MGAT4C: variants seen among roughly 807,000 people sequenced by gnomAD.
MGAT4C encodes MGAT4 family member C.
In MGAT4C, 19 loss-of-function variants were observed where a neutral mutation model predicts 40.1. That is an observed-to-expected ratio of 0.47 (90% CI 0.33 to 0.70). MGAT4C has a LOEUF of 0.70. MGAT4C is among the 30% of genes least tolerant of loss of function. MGAT4C has a pLI of 0.02. For synonymous variants in MGAT4C, 181 were observed against 187.1 expected (o/e 0.97, Z 0.27); for missense variants, 491 against 563.2 (o/e 0.87, Z 1.30).
At chr12:86,263,077 G>A (rs914510929) in intron 4 of MGAT4C, among the ~76,000 whole-genome samples, 2 of 151,932 alleles carry the variant, frequency 1.3e-5, no homozygotes, top group African/African-American at 4.8e-5. Flanking sequence ...TTTTTCAAAT[G>A]TAATTTCAAA....
intron 3 of MGAT4C, among the ~76,000 whole-genome samples, chr12:86,390,503 C>T (rs1161625977): frequency 6.6e-6 from 1 of 152,030 alleles, no homozygotes; most frequent in Non-Finnish European, 1.5e-5. Context: ...ATTCATTCAA[C>T]ATTTAAAAGA....
chr12:86,292,524 C>T (rs1338010813), intron 4 of MGAT4C, among the ~76,000 whole-genome samples: 1 of 151,686 alleles, frequency 6.6e-6, no homozygotes, highest in East Asian at 1.9e-4. Flanking sequence ...CCCCCAAATT[C>T]AAGGAACACA....
chr12:86,732,332 G>A (rs1950924460), intron 1 of MGAT4C, among the ~76,000 whole-genome samples: 1 of 152,028 alleles, frequency 6.6e-6, no homozygotes, highest in African/African-American at 2.4e-5. Context: ...ACCGGGGTGG[G>A]GGCATACGGT....
chr12:86,824,687 T>G (rs2136230042), intron 1 of MGAT4C, among the ~76,000 whole-genome samples: 1 of 146,268 alleles, frequency 6.8e-6, no homozygotes, highest in Non-Finnish European at 1.5e-5. Context: ...TAAGTTTACT[T>G]GATATCAAAC....
chr12:86,080,784 AAT>A (rs1315412629), intron 1 of MGAT4C, among the ~76,000 whole-genome samples: 1 of 152,216 alleles, frequency 6.6e-6, no homozygotes, highest in East Asian at 1.9e-4. Context: ...TATTCAAATC[AAT>A]ATGTTACCCC....
At chr12:86,199,434 G>C (rs1400420567) in intron 1 of MGAT4C, among the ~76,000 whole-genome samples, 3 of 152,066 alleles carry the variant, frequency 2.0e-5, no homozygotes, top group Non-Finnish European at 4.4e-5. Flanking sequence ...TCAGTGCTCA[G>C]TCCATTGTAT....
chr12:86,677,826 A>T (rs1949895172), intron 2 of MGAT4C, among the ~76,000 whole-genome samples: 1 of 152,088 alleles, frequency 6.6e-6, no homozygotes, highest in Admixed American at 6.6e-5. Context: ...AGCCATGTTA[A>T]TTTTCAATTA....
At chr12:86,037,548 C>T (rs192796381) in intron 2 of MGAT4C, among the ~76,000 whole-genome samples, 2,204 of 150,208 alleles carry the variant, frequency 0.015, 134 homozygotes, top group Middle Eastern at 0.03. Context: ...TCATTATTTA[C>T]GCAGTAGTCA....
rs190336986 is a variant in MGAT4C, at chr12:86,090,196, C to T, written c.-56-40473G>A. ...CTTCTAAGGAATTATCTGTTTATGT[C>T]AAATATTATGTTAAAAGAGATTTAG... On this transcript the variant is annotated intron_variant, in intron 1 of 4. Coordinates refer to ENST00000611864, the MANE Select transcript of MGAT4C (RefSeq NM_001351288.2). Among the ~76,000 whole-genome samples the T allele has an allele frequency of 1.5e-4, 23 of 151,388 alleles. 1 individual carries two copies. The East Asian group carries it at 4.5e-3, about 29-fold the overall frequency.
chr12:86,804,460 GA>G (rs201158730), intron 1 of MGAT4C, among the ~76,000 whole-genome samples: 4 of 133,672 alleles, frequency 3.0e-5, no homozygotes, highest in South Asian at 2.3e-4. Context: ...AAAGAAAGAA[GA>G]AAAAAATATA....
chr12:86,697,694 A>G (rs1950281899), intron 2 of MGAT4C, among the ~76,000 whole-genome samples: 1 of 152,126 alleles, frequency 6.6e-6, no homozygotes, highest in Non-Finnish European at 1.5e-5. Context: ...ATGATTCTGT[A>G]CTTGAATAAT....
At chr12:86,131,693 T>C (rs573398217) in intron 1 of MGAT4C, among the ~76,000 whole-genome samples, 1 of 152,212 alleles carries the variant, frequency 6.6e-6, no homozygotes, top group South Asian at 2.1e-4. Flanking sequence ...GATAATTTAC[T>C]GATAATCAAG....
chr12:86,515,272 G>A (rs1035642561), intron 2 of MGAT4C, among the ~76,000 whole-genome samples: 13 of 152,030 alleles, frequency 8.6e-5, no homozygotes, highest in Admixed American at 6.6e-4. Context: ...ATTGAACATT[G>A]TACTAGAAAT....
At chr12:86,205,246 T>C (rs976103753) in intron 1 of MGAT4C, among the ~76,000 whole-genome samples, 11 of 151,782 alleles carry the variant, frequency 7.2e-5, no homozygotes, top group African/African-American at 2.2e-4. Context: ...ATGATTAAAC[T>C]ATTTTAAATT....
intron 2 of MGAT4C, among the ~76,000 whole-genome samples, chr12:86,677,230 T>C (rs1432780120): frequency 6.6e-6 from 1 of 152,136 alleles, no homozygotes; most frequent in Non-Finnish European, 1.5e-5. Context: ...GTTACCTTAT[T>C]TCATATTAAT....
intron 2 of MGAT4C, among the ~76,000 whole-genome samples, chr12:86,673,800 CTGTT>C (rs1964323334): frequency 6.6e-6 from 1 of 151,848 alleles, no homozygotes; most frequent in African/African-American, 2.4e-5. Context: ...ACTTAAATGA[CTGTT>C]TGACGTATAT....
chr12:86,136,981 G>A (rs1882057712), intron 1 of MGAT4C, among the ~76,000 whole-genome samples: 1 of 151,886 alleles, frequency 6.6e-6, no homozygotes, highest in Non-Finnish European at 1.5e-5. Context: ...CCGCGCGCCT[G>A]GCTCACTCAT....
chr12:86,709,514 CA>C (rs748012347), intron 2 of MGAT4C, among the ~76,000 whole-genome samples: 15 of 151,954 alleles, frequency 9.9e-5, no homozygotes, highest in Non-Finnish European at 2.2e-4. Context: ...ACCTAAGAAA[CA>C]TTTTTTTTAC....
At chr12:86,143,742 T>G (rs930407789) in intron 1 of MGAT4C, among the ~76,000 whole-genome samples, 1 of 152,056 alleles carries the variant, frequency 6.6e-6, no homozygotes, top group Non-Finnish European at 1.5e-5. Context: ...TGGCAGAAAT[T>G]AGAAGTAAGA....
Sources: gnomAD v4.1 joint callset for allele counts (sites outside exome capture counted in the v4.1 genomes callset) on GRCh38, gnomAD v4.1.1 for gene constraint, MANE v1.5 for transcripts, NCBI Gene and HGNC (gene_info 2026-07-23, HGNC 2026-07-21) for gene names.